The following SAMD4A variants were observed in gnomAD, a reference collection of about 807,000 sequenced individuals.
The protein encoded by SAMD4A is sterile alpha motif domain containing 4A.
SAMD4A carries 33 observed loss-of-function variants against 81.3 expected under a neutral mutation model. The ratio of observed to expected loss-of-function variants is 0.41; its 90% CI spans 0.31 to 0.54. The LOEUF (loss-of-function observed/expected upper bound fraction) is 0.54. SAMD4A is among the 20% of genes least tolerant of loss of function. The pLI is 0.37. For synonymous variants in SAMD4A, 389 were observed against 382.1 expected (o/e 1.02, Z -0.21); for missense variants, 854 against 951.1 (o/e 0.90, Z 1.34).
At chr14:54,735,469 C>G (rs1231641992) in intron 3 of SAMD4A, among the ~76,000 whole-genome samples, 1 of 152,166 alleles carries the variant, frequency 6.6e-6, no homozygotes, top group African/African-American at 2.4e-5. Context: ...GTTACTAATA[C>G]TAAACTCGGT....
At chr14:54,750,479 T>C (rs2038075231) in intron 5 of SAMD4A, among the ~76,000 whole-genome samples, 1 of 152,202 alleles carries the variant, frequency 6.6e-6, no homozygotes, top group Non-Finnish European at 1.5e-5. Context: ...TTTAAGTAAA[T>C]CCTTAGGCTC....
At chr14:54,773,266 T>A (rs894458894) in intron 9 of SAMD4A, among the ~76,000 whole-genome samples, 2 of 152,034 alleles carry the variant, frequency 1.3e-5, no homozygotes, top group Non-Finnish European at 2.9e-5. Flanking sequence ...CAGGCACAGC[T>A]CTCTTTCTCA....
chr14:54,626,041 TGTGTGTGTGTGTGTGTGTGCGC>T (rs1184990021), intron 2 of SAMD4A, among the ~76,000 whole-genome samples: 2 of 132,490 alleles, frequency 1.5e-5, no homozygotes, highest in African/African-American at 6.1e-5. Flanking sequence ...TGTGTGTGTG[TGTGTGTGTGTGTGTGTGTGCGC>T]GCGCGCGCGC....
chr14:54,606,183 C>CTG (rs57209362), intron 2 of SAMD4A, among the ~76,000 whole-genome samples: 9,424 of 146,588 alleles, frequency 0.064, 307 homozygotes, highest in Non-Finnish European at 0.071. Context: ...TACTTCTGGG[C>CTG]TGTGTGTGTG....
At chr14:54,572,278 T>C (rs1211647691) in intron 2 of SAMD4A, among the ~76,000 whole-genome samples, 1 of 152,142 alleles carries the variant, frequency 6.6e-6, no homozygotes, top group African/African-American at 2.4e-5. Context: ...ACTTATTGCC[T>C]GGGGAATCAG....
At chr14:54,774,164 C>T (rs1490489965) in intron 9 of SAMD4A, among the ~76,000 whole-genome samples, 1 of 152,248 alleles carries the variant, frequency 6.6e-6, no homozygotes, top group African/African-American at 2.4e-5. Flanking sequence ...GCTGGTGAAC[C>T]TGCTGAGCCT....
At position 54,681,884 on chromosome 14, in the gene SAMD4A, A is replaced by G. The variant is rs561950412; in HGVS notation, c.197-20178A>G. 4.0e-5 allele frequency: 39 copies of G among 985,446 alleles called. No individual in the cohort carries two copies. The African/African-American group carries it at 5.9e-4, about 15-fold the overall frequency. 61.0% of individuals were successfully genotyped at this position (985,446 alleles called of 1,614,324 possible). A position where few individuals can be genotyped will look rare whatever the true frequency, so the allele number is the denominator to read the frequency against. ...CGGTTTAAGTAAGCTGTGACAGACCACTGCTCTGGAGGATGGAAAGATTTA... is the reference window on the plus strand; with the variant it reads ...CGGTTTAAGTAAGCTGTGACAGACCGCTGCTCTGGAGGATGGAAAGATTTA... On this transcript the variant is annotated intron_variant, in intron 2 of 12. Transcript: ENST00000554335.
In SAMD4A at chr14:54,757,767, G is replaced by C. The variant is rs934571062; in HGVS notation, c.1177-2394G>C. ...CCTTCCCCTCCTTAGTCAGGGGCTGGACAAGGAGGTCAGTGTCCCCCACAA... is the reference window on the plus strand; with the variant it reads ...CCTTCCCCTCCTTAGTCAGGGGCTGCACAAGGAGGTCAGTGTCCCCCACAA... On this transcript the variant is annotated intron_variant, in intron 6 of 12. Transcript: ENST00000554335. Among the ~76,000 whole-genome samples, 3 of 152,148 alleles carry C rather than the reference G, an allele frequency of 2.0e-5. No homozygotes were observed. In the East Asian group the frequency reaches 5.8e-4, roughly 29 times the overall value.
chr14:54,646,377 T>C (rs2035287931), intron 2 of SAMD4A, among the ~76,000 whole-genome samples: 1 of 152,258 alleles, frequency 6.6e-6, no homozygotes, highest in African/African-American at 2.4e-5. Context: ...TCCCGTGCTC[T>C]GGCACCAGAA....
intron 10 of SAMD4A, among the ~76,000 whole-genome samples, chr14:54,775,474 A>G (rs1241489900): frequency 2.6e-4 from 39 of 152,268 alleles, no homozygotes; most frequent in Non-Finnish European, 1.5e-5. Flanking sequence ...CATTTAGAGA[A>G]GTTTCTTGCC....
chr14:54,747,181 G>T (rs1566616881), intron 4 of SAMD4A, among the ~76,000 whole-genome samples: 1 of 152,202 alleles, frequency 6.6e-6, no homozygotes, highest in Non-Finnish European at 1.5e-5. Context: ...TGTCATAGTA[G>T]AGTGAAGGGC....
At chr14:54,647,575 G>A (rs1481824015) in intron 2 of SAMD4A, among the ~76,000 whole-genome samples, 1 of 152,200 alleles carries the variant, frequency 6.6e-6, no homozygotes, top group Non-Finnish European at 1.5e-5. Flanking sequence ...ATATGCTCAT[G>A]CATAACAGCT....
chr14:54,720,710 AT>A (rs371460045), intron 3 of SAMD4A, among the ~76,000 whole-genome samples: 4 of 151,276 alleles, frequency 2.6e-5, no homozygotes, highest in South Asian at 2.1e-4. Flanking sequence ...TAACAAACCT[AT>A]TTTTTTTTCT....
intron 8 of SAMD4A, among the ~76,000 whole-genome samples, chr14:54,767,891 A>T (rs2139898514): frequency 6.6e-6 from 1 of 152,336 alleles, no homozygotes; most frequent in East Asian, 1.9e-4. Flanking sequence ...CTCACTCAGC[A>T]CTGCTAATGG....
At chr14:54,623,443 C>T (rs1315839764) in intron 2 of SAMD4A, among the ~76,000 whole-genome samples, 1 of 122,374 alleles carries the variant, frequency 8.2e-6, no homozygotes, top group African/African-American at 3.2e-5. Context: ...TAACCAACAA[C>T]TGTGATGACC....
upstream of SAMD4A, among the ~76,000 whole-genome samples, chr14:54,566,208 T>C (rs2032926363): frequency 1.3e-5 from 2 of 151,226 alleles, no homozygotes; most frequent in Non-Finnish European, 3.0e-5. Context: ...CCCGACGGCA[T>C]GGCCCGCGGC....
intron 2 of SAMD4A, among the ~76,000 whole-genome samples, chr14:54,593,882 G>C (rs1020837834): frequency 5.9e-5 from 9 of 152,034 alleles, no homozygotes; most frequent in African/African-American, 2.2e-4. Context: ...AAGTGGGGGA[G>C]AATCAGAGCG....
At chr14:54,632,102 G>A (rs1338543231) in intron 2 of SAMD4A, among the ~76,000 whole-genome samples, 1 of 152,116 alleles carries the variant, frequency 6.6e-6, no homozygotes, top group Non-Finnish European at 1.5e-5. Flanking sequence ...AACATGCATT[G>A]CCTTCCCCAC....
intron 3 of SAMD4A, among the ~76,000 whole-genome samples, chr14:54,733,608 G>A (rs993943390): frequency 6.6e-6 from 1 of 152,078 alleles, no homozygotes; most frequent in African/African-American, 2.4e-5. Context: ...TTCTAATCTA[G>A]GTTGAGATTT....
Sources: gnomAD v4.1 joint callset for allele counts (sites outside exome capture counted in the v4.1 genomes callset) on GRCh38, gnomAD v4.1.1 for gene constraint, MANE v1.5 for transcripts, NCBI Gene and HGNC (gene_info 2026-07-23, HGNC 2026-07-21) for gene names.